The following CREB5 variants were observed in gnomAD, a reference collection of about 807,000 sequenced individuals.
The protein encoded by CREB5 is cAMP responsive element binding protein 5, also known as cyclic AMP-responsive element-binding protein 5.
In CREB5, 19 loss-of-function variants were observed where a neutral mutation model predicts 57.1. That is an observed-to-expected ratio of 0.33 (90% CI 0.23 to 0.49). CREB5 has a LOEUF of 0.49. Ranked by LOEUF, CREB5 falls within the 20% of genes least tolerant of loss-of-function variation. The probability of loss-of-function intolerance (pLI) is 0.99; values close to 1 mark genes in which losing one functional copy is unlikely to be tolerated. For synonymous variants in CREB5, 238 were observed against 238.3 expected, an observed-to-expected ratio of 1.00 and a Z score of 0.01; for missense variants, 579 against 671.6, an observed-to-expected ratio of 0.86 and a Z score of 1.52.
rs117014091 is a variant in CREB5 at position 28,475,084 on chromosome 7, G to C, written c.4-13091G>C. Reference sequence around the variant, plus strand: ...CCAGATTTTAGGGACAGAGGTATTGGATTATTCATCTTTAACTCCCCGGTG... The same window carrying C: ...CCAGATTTTAGGGACAGAGGTATTGCATTATTCATCTTTAACTCCCCGGTG... On this transcript the variant is annotated intron_variant, in intron 1 of 10. Coordinates refer to ENST00000357727, the MANE Select transcript of CREB5 (RefSeq NM_182898.4). Among the ~76,000 whole-genome samples the C allele has an allele frequency of 7.2e-4, 109 of 152,074 alleles. No individual in the cohort carries two copies. The East Asian group carries it at 0.02, about 28-fold the overall frequency.
intron 1 of CREB5, among the ~76,000 whole-genome samples, chr7:28,416,577 T>G (rs1325742287): frequency 6.6e-6 from 1 of 152,162 alleles, no homozygotes; most frequent in Non-Finnish European, 1.5e-5. Context: ...TGCACCATCA[T>G]GAAGGGTCTG....
intron 5 of CREB5, among the ~76,000 whole-genome samples, chr7:28,587,866 T>C (rs1234917517): frequency 6.6e-6 from 1 of 152,194 alleles, no homozygotes; most frequent in African/African-American, 2.4e-5. Flanking sequence ...ATACCTAAAA[T>C]GTCTCCATGG....
chr7:28,304,313 T>C (rs1256520763), intron 1 of CREB5, among the ~76,000 whole-genome samples: 2 of 152,202 alleles, frequency 1.3e-5, no homozygotes, highest in African/African-American at 2.4e-5. Context: ...GTCTCAATCA[T>C]AGACTTATAG....
At chr7:28,455,100 A>C (rs1414220135) in intron 1 of CREB5, among the ~76,000 whole-genome samples, 1 of 152,244 alleles carries the variant, frequency 6.6e-6, no homozygotes, top group Non-Finnish European at 1.5e-5. Flanking sequence ...AAGAAGTAGA[A>C]GGGGGCAAAG....
intron 4 of CREB5, among the ~76,000 whole-genome samples, chr7:28,557,006 C>T (rs567350489): frequency 6.6e-6 from 1 of 152,284 alleles, no homozygotes; most frequent in Non-Finnish European, 1.5e-5. Context: ...TCTTCCTTCT[C>T]TTACTCTTGT....
At position 28,494,986 on chromosome 7, in the gene CREB5, C is replaced by T. The variant is rs749010019; in HGVS notation, c.156C>T (p.Asp52=). The T allele has an allele frequency of 1.2e-6, 2 of 1,604,724 alleles. No homozygotes were observed. Among genetic ancestry groups the T allele is most frequent in the Admixed American group, 3.5e-5 (2 of 57,444 alleles). The change falls in exon 3 of 11, where the codon GAC becomes GAT. Residue 52 remains aspartate, a synonymous_variant. Coordinates refer to ENST00000357727, the MANE Select transcript of CREB5 (RefSeq NM_182898.4). ...TGAAGTTTCCTTCAATAAAAACAGA[C>T]AATATGTTATCAGGTAAGGAGCCAT... ...MTLKFPSIKT[D]NMLSDQTPTP...
rs555661538 is a variant in CREB5, at chr7:28,473,058, A to C, written c.4-15117A>C. Among the ~76,000 whole-genome samples the C allele has an allele frequency of 3.3e-5, 5 of 152,192 alleles. No homozygotes were observed. The South Asian group carries it at 1.0e-3, about 32-fold the overall frequency. ...TCACCTGTCCAGAGAGGTAAGCATT[A>C]CCTCCTCCTTCAGAAAACTTCCCCA... On this transcript the variant is annotated intron_variant, in intron 1 of 10. Coordinates refer to ENST00000357727, the MANE Select transcript of CREB5 (RefSeq NM_182898.4).
chr7:28,560,919 T>TGCGTGCGCGCGCGTGCGTGC (rs1562797827), intron 4 of CREB5, among the ~76,000 whole-genome samples: 1 of 42,990 alleles, frequency 2.3e-5, no homozygotes, highest in Non-Finnish European at 4.5e-5. Context: ...CGTGTGCGTG[T>TGCGTGCGCGCGCGTGCGTGC]GTGCGCGTGC....
chr7:28,303,993 T>C (rs759753090), intron 1 of CREB5, among the ~76,000 whole-genome samples: 9 of 152,176 alleles, frequency 5.9e-5, no homozygotes, highest in Non-Finnish European at 1.0e-4. Flanking sequence ...AAAAGAACAG[T>C]TGCTTTTTTA....
chr7:28,681,879 G>A (rs1308247409), intron 5 of CREB5, among the ~76,000 whole-genome samples: 1 of 152,106 alleles, frequency 6.6e-6, no homozygotes, highest in African/African-American at 2.4e-5. Context: ...AGGTTTAAGT[G>A]GTACAATGAC....
At chr7:28,522,216 T>C (rs1468571964) in intron 4 of CREB5, among the ~76,000 whole-genome samples, 1 of 152,134 alleles carries the variant, frequency 6.6e-6, no homozygotes, top group Non-Finnish European at 1.5e-5. Context: ...GGGAAATTAG[T>C]GTGTTTCCCG....
chr7:28,724,163 T>G (rs1252463545), intron 6 of CREB5, 59 bp from the exon 7 acceptor site: 15 of 1,430,690 alleles, frequency 1.0e-5, no homozygotes, highest in Admixed American at 1.9e-5. Context: ...AGTGCAGCTT[T>G]GTCTAATGAC....
At chr7:28,627,076 C>G (rs1255637246) in intron 5 of CREB5, among the ~76,000 whole-genome samples, 3 of 152,242 alleles carry the variant, frequency 2.0e-5, no homozygotes, top group Non-Finnish European at 4.4e-5. Flanking sequence ...CCACCCCATC[C>G]ATTCTGCTAC....
chr7:28,600,952 G>A (rs1211286655), intron 5 of CREB5, among the ~76,000 whole-genome samples: 1 of 152,080 alleles, frequency 6.6e-6, no homozygotes, highest in African/African-American at 2.4e-5. Context: ...TTTCGTAAAG[G>A]ATCATGTCAA....
chr7:28,812,279 T>TA (rs1809162952), intron 9 of CREB5, among the ~76,000 whole-genome samples: 1 of 152,236 alleles, frequency 6.6e-6, no homozygotes. Context: ...GTATTGACTG[T>TA]GATCCTAATG....
intron 5 of CREB5, among the ~76,000 whole-genome samples, chr7:28,696,893 TACTC>T (rs780880339): frequency 2.4e-4 from 37 of 151,782 alleles, no homozygotes; most frequent in East Asian, 7.8e-4. Flanking sequence ...TATACACACA[TACTC>T]ACATTACATA....
chr7:28,530,805 C>T (rs1234075177), intron 4 of CREB5, among the ~76,000 whole-genome samples: 1 of 152,176 alleles, frequency 6.6e-6, no homozygotes, highest in Non-Finnish European at 1.5e-5. Context: ...CACTCATCTC[C>T]ACCCGCAGTC....
chr7:28,336,169 G>A (rs1785818563), intron 1 of CREB5, among the ~76,000 whole-genome samples: 2 of 151,968 alleles, frequency 1.3e-5, no homozygotes, highest in African/African-American at 4.8e-5. Context: ...TTTTTGATGT[G>A]TCTTTGTGTG....
At chr7:28,725,487 G>C (rs1314198214) in intron 7 of CREB5, among the ~76,000 whole-genome samples, 1 of 152,164 alleles carries the variant, frequency 6.6e-6, no homozygotes, top group Non-Finnish European at 1.5e-5. Context: ...TGTGCCAAAT[G>C]GCACCAGCAT....
Sources: allele counts gnomAD v4.1 joint callset (sites outside exome capture counted in the v4.1 genomes callset), GRCh38; gene constraint gnomAD v4.1.1; transcripts MANE v1.5; gene names NCBI Gene and HGNC (gene_info 2026-07-23, HGNC 2026-07-21).